The following OPRM1 variants were observed in gnomAD, a reference collection of about 807,000 sequenced individuals.
OPRM1 encodes the protein mu-type opioid receptor.
In OPRM1, 27 loss-of-function variants were observed where a neutral mutation model predicts 31.8. That is an observed-to-expected ratio of 0.85 (90% confidence interval 0.63 to 1.17). The LOEUF is 1.17. Ranked by LOEUF, OPRM1 falls within the 50% of genes most tolerant of loss-of-function variation. The probability of loss-of-function intolerance (pLI) is 0.00; values close to 1 mark genes in which losing one functional copy is unlikely to be tolerated. For synonymous variants in OPRM1, 196 were observed against 189.9 expected, an observed-to-expected ratio of 1.03 and a Z score of -0.26; for missense variants, 536 against 511.1, an observed-to-expected ratio of 1.05 and a Z score of -0.47.
rs745739707 is a variant in OPRM1, at chr6:154,130,211, C to A, written c.*11490C>A. Among the ~76,000 whole-genome samples, 1 of 149,512 alleles carries A rather than the reference C, an allele frequency of 6.7e-6. No individual in the cohort carries two copies. Among genetic ancestry groups the A allele is most frequent in the Non-Finnish European group, 1.5e-5 (1 of 67,662 alleles). On this transcript the variant is annotated 3_prime_UTR_variant, in exon 4 of 4. Transcript: ENST00000330432. ...TTTGATGGAGTCTCACTCTGTCGCCCAGGCTGGAGTGCAGTGGCTCAATCT... is the reference window on the plus strand; with the variant it reads ...TTTGATGGAGTCTCACTCTGTCGCCAAGGCTGGAGTGCAGTGGCTCAATCT...
intron 3 of OPRM1, among the ~76,000 whole-genome samples, chr6:154,105,711 A>T (rs1299905445): frequency 6.6e-6 from 1 of 152,192 alleles, no homozygotes; most frequent in Non-Finnish European, 1.5e-5. Flanking sequence ...GAATTATAGG[A>T]GTTTCCCATA....
intron 3 of OPRM1, among the ~76,000 whole-genome samples, chr6:154,236,690 C>T (rs1422256731): frequency 6.6e-6 from 1 of 152,182 alleles, no homozygotes; most frequent in African/African-American, 2.4e-5. Context: ...TTAATGAGCA[C>T]CATCTCTTTC....
rs533716189 is a variant in OPRM1, at chr6:154,065,316, ATTTTTGTATTTT to A, written c.291-24508_291-24497del. Among the ~76,000 whole-genome samples the A allele has an allele frequency of 5.9e-5, 9 of 151,796 alleles. 1 individual carries two copies. In the South Asian group the frequency reaches 1.9e-3, roughly 32 times the overall value. ...AGCTGTGTGCCACCATGCCTAGCTA[ATTTTTGTATTTT>A]TAGTAGAGTTGGGGTTTCACCATGT... is the stretch of plus-strand genomic sequence containing the variant. On this transcript the variant is annotated intron_variant, in intron 1 of 3. Coordinates refer to ENST00000330432, the MANE Select transcript of OPRM1 (RefSeq NM_000914.5).
Position 154,039,385 on chromosome 6 carries a change from C to T in OPRM1, c.-160C>T. On this transcript the variant is annotated 5_prime_UTR_variant, in exon 1 of 4. Transcript: ENST00000330432. ...TGTCAGATGCTCAGCTCGGTCCCCTCCGCCTGACGCTCCTCTCTGTCTCAG... is the reference window on the plus strand; with the variant it reads ...TGTCAGATGCTCAGCTCGGTCCCCTTCGCCTGACGCTCCTCTCTGTCTCAG... 1 of 1,545,874 alleles carries T rather than the reference C, an allele frequency of 6.5e-7. No individual in the cohort carries two copies.
chr6:154,035,539 T>C (rs1439188352), upstream of OPRM1, among the ~76,000 whole-genome samples: 1 of 152,138 alleles, frequency 6.6e-6, no homozygotes, highest in African/African-American at 2.4e-5. Flanking sequence ...TTCAAACCAC[T>C]GTAATTGTTT....
chr6:154,208,238 C>T (rs1316636863), intron 3 of OPRM1, among the ~76,000 whole-genome samples: 3 of 152,160 alleles, frequency 2.0e-5, no homozygotes, highest in Admixed American at 6.5e-5. Context: ...TGGTTCACCC[C>T]GCGTCAGCCA....
At chr6:154,076,026 C>T (rs996081739) in intron 1 of OPRM1, among the ~76,000 whole-genome samples, 52 of 152,114 alleles carry the variant, frequency 3.4e-4, no homozygotes, top group African/African-American at 1.2e-3. Flanking sequence ...AGGAGATGCT[C>T]GAAAAGGCTA....
At chr6:154,019,797 A>G (rs1397857624) in intron 1 of OPRM1, among the ~76,000 whole-genome samples, 2 of 144,496 alleles carry the variant, frequency 1.4e-5, no homozygotes, top group African/African-American at 5.3e-5. Context: ...GCCCAGGCAC[A>G]AACATGGCTC....
At chr6:154,180,079 G>A (rs1393700337) in intron 3 of OPRM1, among the ~76,000 whole-genome samples, 1 of 152,108 alleles carries the variant, frequency 6.6e-6, no homozygotes, top group Non-Finnish European at 1.5e-5. Flanking sequence ...ACTGAGATTT[G>A]TCCATAAAGC....
chr6:154,063,960 T>C (rs1404428936), intron 1 of OPRM1, among the ~76,000 whole-genome samples: 1 of 152,110 alleles, frequency 6.6e-6, no homozygotes, highest in African/African-American at 2.4e-5. Flanking sequence ...AAGATGGGTA[T>C]ATAAATATCT....
At chr6:154,015,661 A>G (rs1175050647) in intron 1 of OPRM1, among the ~76,000 whole-genome samples, 5 of 152,098 alleles carry the variant, frequency 3.3e-5, no homozygotes, top group South Asian at 4.1e-4. Flanking sequence ...ATATGAATAC[A>G]TAAAATAAAA....
chr6:154,198,188 T>C (rs1037120007), intron 3 of OPRM1, among the ~76,000 whole-genome samples: 3 of 152,226 alleles, frequency 2.0e-5, no homozygotes, highest in African/African-American at 7.2e-5. Flanking sequence ...AAAAAAGTTC[T>C]TATGCTGAGC....
chr6:154,166,600 A>T (rs1211207783), intron 3 of OPRM1, among the ~76,000 whole-genome samples: 1 of 152,164 alleles, frequency 6.6e-6, no homozygotes, highest in Non-Finnish European at 1.5e-5. Flanking sequence ...AGCACATCTC[A>T]ACCAGAGTAT....
At position 154,010,849 on chromosome 6, in the gene OPRM1, C is replaced by A; in HGVS notation, c.-170C>A. ...TCCTGCTTTTCCTGTAATTGCAGCCCCTTGTTCTTGTGGTTGCTACATGCA... is the reference window on the plus strand; with the variant it reads ...TCCTGCTTTTCCTGTAATTGCAGCCACTTGTTCTTGTGGTTGCTACATGCA... On this transcript the variant is annotated 5_prime_UTR_variant, in exon 1 of 6. Coordinates refer to the OPRM1 transcript ENST00000434900. The A allele has an allele frequency of 2.2e-6, 3 of 1,355,706 alleles. No individual in the cohort carries two copies. The South Asian group carries it at 4.3e-5, about 20-fold the overall frequency. The allele number at this position is 1,355,706 out of a possible 1,614,324, so 84.0% of individuals were successfully genotyped here.
At chr6:154,111,513 T>C (rs1388846076) in intron 3 of OPRM1, among the ~76,000 whole-genome samples, 1 of 152,170 alleles carries the variant, frequency 6.6e-6, no homozygotes, top group Non-Finnish European at 1.5e-5. Flanking sequence ...ACTTCACCTC[T>C]CAAGGTTATG....
chr6:154,203,639 TCCTGGAACTAAAC>T (rs1777250588), intron 3 of OPRM1, among the ~76,000 whole-genome samples: 1 of 152,152 alleles, frequency 6.6e-6, no homozygotes, highest in Non-Finnish European at 1.5e-5. Flanking sequence ...TCCATGGGGT[TCCTGGAACTAAAC>T]CCCCACAGAT....
chr6:154,105,289 A>G (rs541774032), intron 3 of OPRM1, among the ~76,000 whole-genome samples: 2 of 152,376 alleles, frequency 1.3e-5, no homozygotes, highest in Non-Finnish European at 2.9e-5. Flanking sequence ...TAAATAGCTT[A>G]AAAGAAAAGT....
chr6:154,160,214 T>A lies in OPRM1; in HGVS notation c.1164+68742T>A, dbSNP rs550985959. Among the ~76,000 whole-genome samples the A allele has an allele frequency of 2.0e-5, 3 of 152,370 alleles. No individual in the cohort carries two copies. In the South Asian group the frequency reaches 6.2e-4, roughly 32 times the overall value. ...TTAAGAAATACGACATTTGTTTGCA[T>A]ACGCTAGCCGCAAAGAAGTGAAGTA... On this transcript the variant is annotated intron_variant, in intron 3 of 3. Coordinates refer to the OPRM1 transcript ENST00000337049.
At chr6:154,058,346 CAG>C (rs968865908) in intron 1 of OPRM1, among the ~76,000 whole-genome samples, 2 of 152,132 alleles carry the variant, frequency 1.3e-5, no homozygotes, top group African/African-American at 4.8e-5. Context: ...GATATTAAAA[CAG>C]AATATATTGG....
Sources: allele counts gnomAD v4.1 joint callset (sites outside exome capture counted in the v4.1 genomes callset), GRCh38; gene constraint gnomAD v4.1.1; transcripts MANE v1.5; gene names NCBI Gene and HGNC (gene_info 2026-07-23, HGNC 2026-07-21).